The following OTULINL variants were observed in gnomAD, a reference collection of about 807,000 sequenced individuals.
OTULINL encodes the protein OTU deubiquitinase with linear linkage specificity like, also known as inactive ubiquitin thioesterase OTULINL.
Under a neutral mutation model 43.9 loss-of-function variants are expected in OTULINL, and 42 were observed. The observed-to-expected ratio is 0.96, with a 90% CI of 0.75 to 1.24. The LOEUF (loss-of-function observed/expected upper bound fraction) is 1.24, where lower values mean the gene tolerates loss of function less well. OTULINL is among the 50% of genes most tolerant of loss of function. The pLI is 0.00. For synonymous variants in OTULINL, 172 were observed against 153.6 expected (o/e 1.12, Z -0.88); for missense variants, 411 against 426.4 (o/e 0.96, Z 0.32).
chr5:14,582,921 G>A (rs1309755111), intron 1 of OTULINL, among the ~76,000 whole-genome samples: 3 of 151,976 alleles, frequency 2.0e-5, no homozygotes, highest in African/African-American at 7.2e-5. Flanking sequence ...GCTCGGTAGC[G>A]GGGTCCTCTC....
At chr5:14,606,826 A>G (rs1414898864) in intron 5 of OTULINL, among the ~76,000 whole-genome samples, 1 of 152,248 alleles carries the variant, frequency 6.6e-6, no homozygotes. Context: ...TGTTTTCATC[A>G]CTTGTGAAAT....
intron 1 of OTULINL, among the ~76,000 whole-genome samples, chr5:14,590,177 G>A (rs976263836): frequency 6.6e-6 from 1 of 152,142 alleles, no homozygotes; most frequent in South Asian, 2.1e-4. Context: ...AAATTGATTG[G>A]CATCTGATGA....
intron 1 of OTULINL, among the ~76,000 whole-genome samples, chr5:14,587,526 T>C (rs1759127260): frequency 6.6e-6 from 1 of 152,222 alleles, no homozygotes; most frequent in South Asian, 2.1e-4. Flanking sequence ...GGTTGGCTGC[T>C]CAGCTTGAAA....
rs369328873 is a variant in OTULINL, at chr5:14,596,550, A to T, written c.65-4415A>T. On this transcript the variant is annotated intron_variant, in intron 1 of 7. Coordinates refer to ENST00000274217, the MANE Select transcript of OTULINL (RefSeq NM_019018.3). ...TAGCCCAGGAAGGATAATTTTTTTTAAATTTTCCTTTTAAAGAGTCTTAAT... is the reference window on the plus strand; with the variant it reads ...TAGCCCAGGAAGGATAATTTTTTTTTAATTTTCCTTTTAAAGAGTCTTAAT... 1.4e-3 allele frequency among the ~76,000 whole-genome samples: 207 copies of T among 152,162 alleles called. 2 individuals carry two copies. The highest frequency in any genetic ancestry group is 4.8e-3 in the African/African-American group (200 of 41,516).
rs758548150 is a variant in OTULINL, at chr5:14,581,881, G to A, written c.-14G>A. 5.7e-6 allele frequency: 8 copies of A among 1,408,178 alleles called. No individual in the cohort carries two copies. Among genetic ancestry groups the A allele is most frequent in the Non-Finnish European group, 7.4e-6 (8 of 1,081,314 alleles). 87.2% of individuals were successfully genotyped at this position (1,408,178 alleles called of 1,614,324 possible). ...ACGGGCCGAGGCCCAGCGCCCGTCC[G>A]CAGCGCGGCCGGCATGGCGGCGACA... On this transcript the variant is annotated 5_prime_UTR_variant, in exon 1 of 8. Coordinates refer to ENST00000274217, the MANE Select transcript of OTULINL (RefSeq NM_019018.3).
intron 1 of OTULINL, among the ~76,000 whole-genome samples, chr5:14,590,261 A>C (rs1759178000): frequency 6.6e-6 from 1 of 152,176 alleles, no homozygotes; most frequent in African/African-American, 2.4e-5. Context: ...CAACACTGGC[A>C]ATGTTGGAAT....
At chr5:14,605,010 T>C (rs1281141411) in intron 5 of OTULINL, among the ~76,000 whole-genome samples, 1 of 152,126 alleles carries the variant, frequency 6.6e-6, no homozygotes, top group African/African-American at 2.4e-5. Flanking sequence ...CCAGTGGGGA[T>C]GGGGTCTCAG....
rs779412555 is a variant in OTULINL, at chr5:14,610,130, C to G, written c.898-11C>G. On this transcript the variant is annotated splice_polypyrimidine_tract_variant and intron_variant, in intron 7 of 7. Transcript: ENST00000274217. The stretch of plus-strand genomic sequence containing the variant: ...TGTGTATCTGTGACCTGTCTTTCAT[C>G]TCATCCACAGATTGATATGTTTATA... The G allele has an allele frequency of 1.2e-6, 2 of 1,608,318 alleles. No homozygotes were observed. The highest frequency in any genetic ancestry group is 1.1e-5 in the South Asian group (1 of 90,920).
chr5:14,610,056 T>C, intron 7 of OTULINL, 85 bp from the exon 8 acceptor site: 6 of 1,191,410 alleles, frequency 5.0e-6, no homozygotes, highest in Non-Finnish European at 7.3e-6. Flanking sequence ...TTTCATAAAC[T>C]GCAGAGGAAC....
At chr5:14,594,383 T>C (rs1759253185) in intron 1 of OTULINL, among the ~76,000 whole-genome samples, 1 of 152,230 alleles carries the variant, frequency 6.6e-6, no homozygotes, top group African/African-American at 2.4e-5. Context: ...TTCTCAGAAT[T>C]AAACAATCAG....
In OTULINL at chr5:14,604,163, C is replaced by T. The variant is rs1759434218; in HGVS notation, c.498+1831C>T. ...CCTGGGCAACAGAGCAAGACTCCAT[C>T]TTGCCAAAAAATAAAAAAATGTAGC... On this transcript the variant is annotated intron_variant, in intron 5 of 7. Transcript: ENST00000274217. Among the ~76,000 whole-genome samples, 3 of 152,194 alleles carry T rather than the reference C, an allele frequency of 2.0e-5. No individual in the cohort carries two copies. The South Asian group carries it at 6.2e-4, about 32-fold the overall frequency.
rs1388621973 is a variant in OTULINL, at chr5:14,610,577, C to T, written c.*263C>T. The stretch of plus-strand genomic sequence containing the variant: ...GGGGCGTGGCCACTTCACATGATGG[C>T]GGGCCTTTAAGAGCACAAAGAAGTT... On this transcript the variant is annotated 3_prime_UTR_variant, in exon 8 of 8. Coordinates refer to ENST00000274217, the MANE Select transcript of OTULINL (RefSeq NM_019018.3). The T allele has an allele frequency of 1.8e-5, 6 of 330,444 alleles. No homozygotes were observed. Among genetic ancestry groups the T allele is most frequent in the Admixed American group, 4.2e-5 (1 of 23,726 alleles). 20.5% of individuals were successfully genotyped at this position (330,444 alleles called of 1,614,324 possible).
In OTULINL at chr5:14,610,303, C is replaced by A; in HGVS notation, c.1060C>A (p.Pro354Thr). 2 of 1,612,862 alleles carry A rather than the reference C, an allele frequency of 1.2e-6. No homozygotes were observed. The highest frequency in any genetic ancestry group is 1.7e-6 in the Non-Finnish European group (2 of 1,179,986). The change falls in exon 8 of 8, where the codon CCA becomes ACA. Residue 354 changes from proline (P) to threonine (T), a missense_variant. Transcript: ENST00000274217. Reference sequence around the variant, plus strand: ...CGAGAACGACCGCCACTACCACATTCCAGTCTTTTAAGTCCGCTGGGGGCC... The same window carrying A: ...CGAGAACGACCGCCACTACCACATTACAGTCTTTTAAGTCCGCTGGGGGCC... ...LTENDRHYHI[P>T]VF
intron 1 of OTULINL, among the ~76,000 whole-genome samples, chr5:14,583,902 T>G (rs1188571910): frequency 2.0e-5 from 3 of 152,340 alleles, no homozygotes; most frequent in Middle Eastern, 3.4e-3. Flanking sequence ...GGTTTTTTTT[T>G]GTTTGATTTT....
At chr5:14,585,491 C>T (rs1420823860) in intron 1 of OTULINL, among the ~76,000 whole-genome samples, 1 of 152,132 alleles carries the variant, frequency 6.6e-6, no homozygotes, top group Non-Finnish European at 1.5e-5. Context: ...TAATTATTAA[C>T]TTGAAAATGA....
rs576606883 is a variant in OTULINL at position 14,594,725 on chromosome 5, C to T, written c.65-6240C>T. On this transcript the variant is annotated intron_variant, in intron 1 of 7. Transcript: ENST00000274217. ...TTATTCCTCTGTACAGCACTTCCTG[C>T]CCTTGATTACAAATGACCTAAAAGC... is the stretch of plus-strand genomic sequence containing the variant. Among the ~76,000 whole-genome samples, 3 of 152,316 alleles carry T rather than the reference C, an allele frequency of 2.0e-5. No individual in the cohort carries two copies. The South Asian group carries it at 6.2e-4, about 32-fold the overall frequency.
In OTULINL at chr5:14,605,336, G is replaced by C. The variant is rs1182459708; in HGVS notation, c.499-1994G>C. Among the ~76,000 whole-genome samples, 3 of 150,950 alleles carry C rather than the reference G, an allele frequency of 2.0e-5. No individual in the cohort carries two copies. The East Asian group carries it at 5.9e-4, about 30-fold the overall frequency. On this transcript the variant is annotated intron_variant, in intron 5 of 7. Coordinates refer to ENST00000274217, the MANE Select transcript of OTULINL (RefSeq NM_019018.3). ...CCAAGTCCCCAGACTGTACACAGCA[G>C]AGGGACCCTGGACCTGGCCCATGGA...
chr5:14,600,932 C>CTTT (rs5866109), intron 1 of OTULINL, 33 bp from the exon 2 acceptor site: 18 of 1,198,854 alleles, frequency 1.5e-5, no homozygotes, highest in African/African-American at 5.5e-5. Context: ...TTGTGATGTG[C>CTTT]TTTTTTTTTT....
chr5:14,592,807 T>C (rs920133461), intron 1 of OTULINL, among the ~76,000 whole-genome samples: 1 of 152,180 alleles, frequency 6.6e-6, no homozygotes, highest in Admixed American at 6.5e-5. Context: ...CTTAAAACTC[T>C]CAGAGCCTTC....
Sources: allele counts gnomAD v4.1 joint callset (sites outside exome capture counted in the v4.1 genomes callset), GRCh38; gene constraint gnomAD v4.1.1; transcripts MANE v1.5; gene names NCBI Gene and HGNC (gene_info 2026-07-23, HGNC 2026-07-21).